The following STAG1 variants were observed in gnomAD, a reference collection of about 807,000 sequenced individuals.
STAG1 encodes cohesin subunit SA-1.
A neutral mutation model predicts 170.9 loss-of-function variants in STAG1; 26 were observed. The observed-to-expected ratio is 0.15, with a 90% confidence interval of 0.11 to 0.21. STAG1 has a LOEUF of 0.21. STAG1 is among the 10% of genes least tolerant of loss of function. The pLI, the probability that STAG1 is intolerant of heterozygous loss-of-function variation, is 1.00. For synonymous variants in STAG1, 514 were observed against 497.7 expected (o/e 1.03, Z -0.44); for missense variants, 964 against 1,509.5 (o/e 0.64, Z 5.99).
intron 32 of STAG1, among the ~76,000 whole-genome samples, chr3:136,338,837 G>T (rs73863611): frequency 0.062 from 9,493 of 152,234 alleles, 996 homozygotes; most frequent in African/African-American, 0.21. Context: ...GAAAGTTATT[G>T]GAAGGTGGGG....
chr3:136,724,008 G>A (rs7610359), intron 1 of STAG1, among the ~76,000 whole-genome samples: 1,676 of 149,142 alleles, frequency 0.011, 21 homozygotes, highest in African/African-American at 0.04. Context: ...ACAGCCAGCC[G>A]CCCCGTCCGG....
At chr3:136,441,556 C>T (rs535717424) in intron 15 of STAG1, among the ~76,000 whole-genome samples, 1 of 152,248 alleles carries the variant, frequency 6.6e-6, no homozygotes, top group South Asian at 2.1e-4. Flanking sequence ...GGGTTTAACA[C>T]AAACTTGTTT....
chr3:136,703,183 C>T (rs934685758), intron 1 of STAG1, among the ~76,000 whole-genome samples: 1 of 151,506 alleles, frequency 6.6e-6, no homozygotes, highest in Non-Finnish European at 1.5e-5. Context: ...GCAAGAACTA[C>T]AAGAAATCAA....
rs996379592 is a variant in STAG1, at chr3:136,528,504, C to CA, written c.472-7088_472-7087insT. On this transcript the variant is annotated intron_variant, in intron 6 of 33. Coordinates refer to ENST00000383202, the MANE Select transcript of STAG1 (RefSeq NM_005862.3). The stretch of plus-strand genomic sequence containing the variant: ...AACAGATGTCCCCGCACCCCCCCCC[C>CA]CAAAAAATCACTAAGTCCTGGAAAA... Among the ~76,000 whole-genome samples, 87 of 143,994 alleles carry CA rather than the reference C, an allele frequency of 6.0e-4. 2 individuals carry two copies. Among genetic ancestry groups the CA allele is most frequent in the East Asian group, 3.9e-3 (20 of 5,076 alleles). 94.5% of individuals were successfully genotyped at this position (143,994 alleles called of 152,430 possible). A position where few individuals can be genotyped will look rare whatever the true frequency, so the allele number is the denominator to read the frequency against.
At position 136,422,604 on chromosome 3, in the gene STAG1, C is replaced by T; in HGVS notation, c.1843G>A (p.Ala615Thr). The T allele has an allele frequency of 6.2e-7, 1 of 1,612,562 alleles. No individual in the cohort carries two copies. The highest frequency in any genetic ancestry group is 8.5e-7 in the Non-Finnish European group (1 of 1,179,668). ...ACAAACTTAATCTGTTTTAATAAAGCATCCAGATGCTGAGGAGACAAAAAA... is the reference window on the plus strand; with the variant it reads ...ACAAACTTAATCTGTTTTAATAAAGTATCCAGATGCTGAGGAGACAAAAAA... ...STGRMEKHLD[A>T]LLKQIKFVVE... The change falls in exon 19 of 34, where the codon GCT becomes ACT. Residue 615 changes from alanine to threonine, a missense_variant. By Grantham distance (58) the Ala-to-Thr change is moderately conservative. Around this residue, in one of 11 missense-constraint regions of STAG1, gnomAD observed 232 missense variants for 313.0 expected, o/e 0.74. Transcript: ENST00000383202.
chr3:136,662,944 G>A (rs908996462), intron 1 of STAG1, among the ~76,000 whole-genome samples: 2 of 152,074 alleles, frequency 1.3e-5, no homozygotes, highest in African/African-American at 4.8e-5. Flanking sequence ...CCAGCTACTT[G>A]GGAGGCTGAG....
intron 1 of STAG1, among the ~76,000 whole-genome samples, chr3:136,674,623 C>A (rs955482039): frequency 6.6e-6 from 1 of 152,158 alleles, no homozygotes; most frequent in Non-Finnish European, 1.5e-5. Context: ...TGTACACTTA[C>A]AATGGACACA....
Position 136,367,097 on chromosome 3 carries a change from C to G in STAG1, c.2546-15G>C. The G allele has an allele frequency of 1.3e-6, 2 of 1,580,604 alleles. No homozygotes were observed. Among genetic ancestry groups the G allele is most frequent in the Non-Finnish European group, 1.7e-6 (2 of 1,158,246 alleles). On this transcript the variant is annotated splice_polypyrimidine_tract_variant and intron_variant, in intron 24 of 33. Transcript: ENST00000383202. Reference sequence around the variant, plus strand: ...TTCATCACCCTCTAAACACAGATTACAAATTGGTTATGAATTCTGGTACTT... The same window carrying G: ...TTCATCACCCTCTAAACACAGATTAGAAATTGGTTATGAATTCTGGTACTT...
intron 7 of STAG1, among the ~76,000 whole-genome samples, chr3:136,510,002 T>C (rs184164400): frequency 3.9e-4 from 60 of 152,300 alleles, no homozygotes; most frequent in African/African-American, 1.4e-3. Flanking sequence ...AAACTACCAG[T>C]TTCCAAATGA....
Position 136,340,218 on chromosome 3 carries a change from G to A in STAG1, c.3672+273C>T, listed in dbSNP as rs138049671. Among the ~76,000 whole-genome samples the A allele has an allele frequency of 6.5e-3, 990 of 152,170 alleles. 12 individuals carry two copies. The highest frequency in any genetic ancestry group is 0.022 in the African/African-American group (929 of 41,506). On this transcript the variant is annotated intron_variant, in intron 32 of 33. Coordinates refer to ENST00000383202, the MANE Select transcript of STAG1 (RefSeq NM_005862.3). ...TGTCCAGGCTAGATTGCAATGGCACGATCTTGGCTCACTACAACCTCAGCC... is the reference window on the plus strand; with the variant it reads ...TGTCCAGGCTAGATTGCAATGGCACAATCTTGGCTCACTACAACCTCAGCC...
intron 31 of STAG1, 116 bp downstream of exon 31, chr3:136,341,325 T>C: frequency 1.5e-6 from 1 of 679,832 alleles, no homozygotes; most frequent in East Asian, 2.6e-5. Flanking sequence ...GCATAGCATA[T>C]CACGAATTAT....
chr3:136,414,751 C>A (rs1314963725), intron 21 of STAG1, among the ~76,000 whole-genome samples: 1 of 152,116 alleles, frequency 6.6e-6, no homozygotes, highest in African/African-American at 2.4e-5. Context: ...AATGTTTTTT[C>A]TTAAATAATT....
At chr3:136,744,786 G>C (rs1256106213) in intron 1 of STAG1, among the ~76,000 whole-genome samples, 1 of 148,598 alleles carries the variant, frequency 6.7e-6, no homozygotes, top group Non-Finnish European at 1.5e-5. Flanking sequence ...AGCAATTCTC[G>C]TGCCTCAGCC....
At chr3:136,513,042 T>C (rs1291797421) in intron 7 of STAG1, among the ~76,000 whole-genome samples, 3 of 151,934 alleles carry the variant, frequency 2.0e-5, no homozygotes, top group Non-Finnish European at 2.9e-5. Context: ...AAACACAGAA[T>C]ATTTCAAAAA....
rs761204996 is a variant in STAG1 at position 136,357,752 on chromosome 3, A to T, written c.3033T>A (p.Ser1011=). 68 of 1,605,718 alleles carry T rather than the reference A, an allele frequency of 4.2e-5. No individual in the cohort carries two copies. The highest frequency in any genetic ancestry group is 1.7e-4 in the Admixed American group (10 of 57,384). The stretch of plus-strand genomic sequence containing the variant: ...TTTTGTCCTGTCGAAGAAGTTTAGA[A>T]GAAAATTCACTTAGTACTTCAAGAA... ...LAFLEVLSEF[S]SKLLRQDKKT... Residue 1011 remains serine, a synonymous_variant, in exon 28 of 34, where the codon TCT becomes TCA. Coordinates refer to ENST00000383202, the MANE Select transcript of STAG1 (RefSeq NM_005862.3).
chr3:136,687,686 T>C (rs1001358239), intron 1 of STAG1, among the ~76,000 whole-genome samples: 1 of 151,846 alleles, frequency 6.6e-6, no homozygotes, highest in East Asian at 1.9e-4. Flanking sequence ...CTGGGAAACG[T>C]GGATTATACA....
intron 3 of STAG1, among the ~76,000 whole-genome samples, chr3:136,605,963 G>A (rs887842783): frequency 6.6e-6 from 1 of 151,878 alleles, no homozygotes; most frequent in South Asian, 2.1e-4. Flanking sequence ...GTAGTTAATG[G>A]CCCTCTAACC....
chr3:136,460,822 C>T (rs1018484267), intron 13 of STAG1, among the ~76,000 whole-genome samples: 1 of 152,104 alleles, frequency 6.6e-6, no homozygotes, highest in African/African-American at 2.4e-5. Flanking sequence ...GCTCATTCTA[C>T]AAGGTCAGCA....
intron 4 of STAG1, among the ~76,000 whole-genome samples, chr3:136,582,743 G>A (rs1328433080): frequency 1.3e-5 from 2 of 152,172 alleles, no homozygotes; most frequent in Non-Finnish European, 2.9e-5. Flanking sequence ...AGGCTGCAGT[G>A]AGCAGAGATC....
Sources: allele counts gnomAD v4.1 joint callset (sites outside exome capture counted in the v4.1 genomes callset), GRCh38; gene constraint gnomAD v4.1.1; regional missense constraint gnomAD v4.1.1; transcripts MANE v1.5; gene names NCBI Gene and HGNC (gene_info 2026-07-23, HGNC 2026-07-21).